Variants in MACF1 observed in about 807,000 individuals in gnomAD.
MACF1 encodes microtubule-actin cross-linking factor 1.
MACF1 carries 193 observed loss-of-function variants against 854.8 expected under a neutral mutation model. The observed-to-expected ratio is 0.23, with a 90% CI of 0.20 to 0.25. The LOEUF is 0.25. Among genes scored for constraint, MACF1 ranks in the 10% least tolerant of loss-of-function variants. The pLI is 1.00. For synonymous variants in MACF1, 3,185 were observed against 3,226.7 expected, an observed-to-expected ratio of 0.99 and a Z score of 0.44; for missense variants, 7,722 against 8,929.1, an observed-to-expected ratio of 0.86 and a Z score of 5.45.
intron 80 of MACF1, among the ~76,000 whole-genome samples, chr1:39,445,458 A>G (rs988037906): frequency 1.3e-5 from 2 of 152,232 alleles, no homozygotes; most frequent in African/African-American, 4.8e-5. Context: ...CACTCAATGA[A>G]TAGTTATTGA....
rs772863542 is a variant in MACF1, at chr1:39,484,687, T to C, written c.22368T>C (p.Asn7456=). ...CATCCCTTGCTGGTGATACCAGCAA[T>C]AGTTCTTCCCCGGCCTCCACAGGTG... is the stretch of plus-strand genomic sequence containing the variant. ...SRTSLAGDTS[N]SSSPASTGAK... The change falls in exon 100 of 101, where the codon AAT becomes AAC. Residue 7456 remains asparagine, a synonymous_variant. Coordinates refer to ENST00000564288, the MANE Select transcript of MACF1 (RefSeq NM_001394062.1). The C allele has an allele frequency of 7.4e-6, 12 of 1,613,986 alleles. No homozygotes were observed. The East Asian group carries it at 2.7e-4, about 36-fold the overall frequency.
intron 49 of MACF1, among the ~76,000 whole-genome samples, chr1:39,366,147 A>G (rs185034956): frequency 2.0e-5 from 3 of 152,278 alleles, no homozygotes; most frequent in East Asian, 1.9e-4. Flanking sequence ...TTATTTTTCT[A>G]TGTGAATTTA....
intron 95 of MACF1, 144 bp from the exon 96 acceptor site, chr1:39,468,471 T>C (rs1644713955): frequency 1.6e-6 from 1 of 631,860 alleles, no homozygotes; most frequent in Non-Finnish European, 2.7e-6. Flanking sequence ...TTGTGAAATA[T>C]ATAAAAATGC....
Position 39,447,806 on chromosome 1 carries a change from T to C in MACF1, c.19876T>C (p.Leu6626=). 5 of 1,614,074 alleles carry C rather than the reference T, an allele frequency of 3.1e-6. No individual in the cohort carries two copies. Among genetic ancestry groups the C allele is most frequent in the Non-Finnish European group, 4.2e-6 (5 of 1,180,016 alleles). The change falls in exon 82 of 101, where the codon TTG becomes CTG. Residue 6626 remains leucine, a synonymous_variant. Coordinates refer to ENST00000564288, the MANE Select transcript of MACF1 (RefSeq NM_001394062.1). ...KQDVVLIKNL[L]VSVQSRWEKV... is the part of the protein sequence containing the mutation. The stretch of plus-strand genomic sequence containing the variant: ...GGATGTTGTTCTGATCAAGAATTTG[T>C]TGGTGAGCGTGCAGTCTCGATGGGA...
chr1:39,352,660 G>A (rs1042550557), intron 43 of MACF1, among the ~76,000 whole-genome samples: 6 of 152,034 alleles, frequency 3.9e-5, no homozygotes, highest in Admixed American at 3.3e-4. Flanking sequence ...TGGGTCTACA[G>A]GCATGCACCA....
chr1:39,385,651 A>G lies in MACF1; in HGVS notation c.14066A>G (p.Gln4689Arg), dbSNP rs1305941177. Residue 4689 changes from glutamine to arginine, a missense_variant, in exon 57 of 101, where the codon CAG (glutamine) becomes CGG (arginine). Coordinates refer to ENST00000564288, the MANE Select transcript of MACF1 (RefSeq NM_001394062.1). ...GCTATTGTTAAGAGCACCCAGTACCAGGAACTGCTCCAGGACTTATCAGAG... is the reference window on the plus strand; with the variant it reads ...GCTATTGTTAAGAGCACCCAGTACCGGGAACTGCTCCAGGACTTATCAGAG... ...DQAIVKSTQY[Q>R]ELLQDLSEKV... 2 of 1,614,202 alleles carry G rather than the reference A, an allele frequency of 1.2e-6. No individual in the cohort carries two copies. The highest frequency in any genetic ancestry group is 3.3e-5 in the Admixed American group (2 of 60,002).
At chr1:39,293,288 G>A (rs1645833086) in intron 17 of MACF1, among the ~76,000 whole-genome samples, 170 bp from the exon 18 acceptor site, 1 of 152,188 alleles carries the variant, frequency 6.6e-6, no homozygotes, top group Admixed American at 6.5e-5. Context: ...ATTGAAAAGA[G>A]TTCTGGGAGT....
At chr1:39,337,390 C>A in intron 38 of MACF1, 59 bp downstream of exon 38, 1 of 1,572,420 alleles carries the variant, frequency 6.4e-7, no homozygotes, top group Non-Finnish European at 8.7e-7. Context: ...CCTCCATCTT[C>A]CTTGAAGATT....
chr1:39,133,530 C>T (rs181834484), intron 2 of MACF1, among the ~76,000 whole-genome samples: 8 of 152,172 alleles, frequency 5.3e-5, no homozygotes, highest in African/African-American at 1.9e-4. Flanking sequence ...TCCTCCTCAT[C>T]CTTTCTCCTC....
chr1:39,265,223 T>C (rs1478351248), intron 6 of MACF1, among the ~76,000 whole-genome samples: 1 of 152,164 alleles, frequency 6.6e-6, no homozygotes, highest in East Asian at 1.9e-4. Context: ...GCTTGGCATA[T>C]AGATGAGGCA....
upstream of MACF1, among the ~76,000 whole-genome samples, chr1:39,201,794 C>T (rs1235549108): frequency 3.9e-5 from 6 of 151,998 alleles, no homozygotes; most frequent in Non-Finnish European, 7.4e-5. Flanking sequence ...CGTCTCTGGC[C>T]TCCTCTTCTG....
intron 67 of MACF1, 80 bp downstream of exon 67, chr1:39,432,734 C>A: frequency 7.2e-7 from 1 of 1,386,934 alleles, no homozygotes; most frequent in Non-Finnish European, 9.7e-7. Context: ...TATCCCATGT[C>A]AAGTGGAATA....
Position 39,357,806 on chromosome 1 carries a change from G to T in MACF1, c.11856G>T (p.Lys3952Asn). The T allele has an allele frequency of 6.2e-7, 1 of 1,614,126 alleles. No individual in the cohort carries two copies. Among genetic ancestry groups the T allele is most frequent in the South Asian group, 1.1e-5 (1 of 91,074 alleles). ...TCTTGGACATGGAAAACAGTTTTAA[G>T]GAAGGCAAAGAACCATCAGAAATTG... is the stretch of plus-strand genomic sequence containing the variant. ...QKVLDMENSFKEGKEPSEIGN... is the reference protein window; with the variant it reads ...QKVLDMENSFNEGKEPSEIGN... Residue 3952 changes from lysine to asparagine, a missense_variant, in exon 45 of 101, where the codon AAG becomes AAT. This residue lies in a region of MACF1 where 2,807 missense variants were observed against 3,235.8 expected (regional missense o/e 0.87). Transcript: ENST00000564288.
At position 39,205,143 on chromosome 1, in the gene MACF1, G is replaced by T. The variant is rs959594956; in HGVS notation, c.109+12G>T. 1 of 702,982 alleles carries T rather than the reference G, an allele frequency of 1.4e-6. No homozygotes were observed. The highest frequency in any genetic ancestry group is 2.6e-6 in the Non-Finnish European group (1 of 384,978). 43.5% of individuals were successfully genotyped at this position (702,982 alleles called of 1,614,324 possible). A position where few individuals can be genotyped will look rare whatever the true frequency, so the allele number is the denominator to read the frequency against. ...CAGAGGTAGAGCAGGTAACTAACTGGTACCCAGTTATTCTTTAAATCTACT... is the reference window on the plus strand; with the variant it reads ...CAGAGGTAGAGCAGGTAACTAACTGTTACCCAGTTATTCTTTAAATCTACT... On this transcript the variant is annotated intron_variant, in intron 1 of 100. Coordinates refer to ENST00000564288, the MANE Select transcript of MACF1 (RefSeq NM_001394062.1).
intron 92 of MACF1, among the ~76,000 whole-genome samples, chr1:39,461,636 A>C (rs1445725798): frequency 6.6e-6 from 1 of 151,842 alleles, no homozygotes; most frequent in African/African-American, 2.4e-5. Flanking sequence ...TAAAAATACA[A>C]AAAAAATTAG....
intron 91 of MACF1, chr1:39,459,909 TC>T: frequency 1.8e-6 from 2 of 1,124,064 alleles, no homozygotes; most frequent in Non-Finnish European, 2.4e-6. Context: ...GGTGCTTTTT[TC>T]CCCCATTCCT....
At chr1:39,211,447 A>G (rs1424126675) in intron 1 of MACF1, among the ~76,000 whole-genome samples, 1 of 152,172 alleles carries the variant, frequency 6.6e-6, no homozygotes, top group African/African-American at 2.4e-5. Context: ...AAAATTTCAT[A>G]TATAGAGACC....
chr1:39,349,450 T>C, intron 41 of MACF1, 28 bp from the exon 42 acceptor site: 1 of 1,568,858 alleles, frequency 6.4e-7, no homozygotes. Flanking sequence ...TTACGAAATG[T>C]CTCTTGACCC....
At chr1:39,188,992 C>T in intron 2 of MACF1, among the ~76,000 whole-genome samples, 1 of 152,216 alleles carries the variant, frequency 6.6e-6, no homozygotes, top group East Asian at 1.9e-4. Flanking sequence ...CCTGCTTCGG[C>T]CTCCCAAAGT....
Sources: allele counts gnomAD v4.1 joint callset (sites outside exome capture counted in the v4.1 genomes callset), GRCh38; gene constraint gnomAD v4.1.1; regional missense constraint gnomAD v4.1.1; transcripts MANE v1.5; gene names NCBI Gene and HGNC (gene_info 2026-07-23, HGNC 2026-07-21).